ARX: variants seen among roughly 807,000 people sequenced by gnomAD.
ARX encodes the protein homeobox protein ARX.
A neutral mutation model predicts 23.1 loss-of-function variants in ARX; 1 was observed. The observed-to-expected ratio is 0.04, with a 90% CI of 0.02 to 0.21. The LOEUF (loss-of-function observed/expected upper bound fraction) is 0.21. ARX is among the 10% of genes least tolerant of loss of function. ARX has a pLI of 1.00. For synonymous variants in ARX, 301 were observed against 270.1 expected (o/e 1.11, Z -1.12); for missense variants, 380 against 527.5 (o/e 0.72, Z 2.74).
rs398124508 is a variant in ARX at position 25,007,238 on chromosome X, AGGCGGCGGCGGC to A, written c.1309_1320del (p.Ala437_Ala440del). 1.8e-6 allele frequency: 2 copies of A among 1,126,822 alleles called. No individual in the cohort carries two copies. The highest frequency in any genetic ancestry group is 2.1e-5 in the South Asian group (1 of 47,607). The allele number at this position is 1,126,822 out of a possible 1,213,427, so 92.9% of individuals were successfully genotyped here. Reference sequence around the variant, plus strand: ...CCCGGAGGCGGAGGTAGGCTCGGGAAGGCGGCGGCGGCGGCGGCGGCAGCGGCAGTCCAAGCG... The same window carrying A: ...CCCGGAGGCGGAGGTAGGCTCGGGAAGGCGGCGGCAGCGGCAGTCCAAGCG... On this transcript the variant is annotated inframe_deletion, in exon 4 of 5. Transcript: ENST00000379044.
At chrX:25,006,924 A>T (rs1488418347) in intron 4 of ARX, among the ~76,000 whole-genome samples, 187 bp downstream of exon 4, 1 of 106,857 alleles carries the variant, frequency 9.4e-6, no homozygotes, top group East Asian at 3.0e-4. Flanking sequence ...CCAAGTCAAT[A>T]CCTTCAAGAC....
At chrX:25,011,042 C>T (rs1458854056) in intron 2 of ARX, among the ~76,000 whole-genome samples, 1 of 112,258 alleles carries the variant, frequency 8.9e-6, no homozygotes, top group Non-Finnish European at 1.9e-5. Context: ...GTTATTACTG[C>T]GACAATTAAG....
At chrX:25,011,628 G>C (rs2048703040) in intron 2 of ARX, among the ~76,000 whole-genome samples, 1 of 113,353 alleles carries the variant, frequency 8.8e-6, no homozygotes, top group Non-Finnish European at 1.9e-5. Context: ...GGAAGACCAA[G>C]TGTAGCCCAA....
At chrX:25,014,726 C>T (rs899766175) in intron 1 of ARX, among the ~76,000 whole-genome samples, 29 of 112,312 alleles carry the variant, frequency 2.6e-4, no homozygotes, top group African/African-American at 9.4e-4. Context: ...CCTTCTCAAC[C>T]GTCTGCTCCT....
chrX:25,013,619 G>A lies in ARX; in HGVS notation c.376C>T (p.Pro126Ser), dbSNP rs1281671382. Reference sequence around the variant, plus strand: ...CGCGCGGTTGGCGGTGGCGGCGGAGGGGCCTCCCCGCGTGGACCCGCCGTG... The same window carrying A: ...CGCGCGGTTGGCGGTGGCGGCGGAGAGGCCTCCCCGCGTGGACCCGCCGTG... ...TATAGPRGEA[P>S]PPPPPTARPG... Residue 126 changes from proline (P) to serine (S), a missense_variant, in exon 2 of 5, where the codon CCT (proline) becomes TCT (serine). By Grantham distance (74) the Pro-to-Ser change is moderately conservative. Around this residue, in one of 3 missense-constraint regions of ARX, gnomAD observed 235 missense variants for 270.2 expected, o/e 0.87. Coordinates refer to ENST00000379044, the MANE Select transcript of ARX (RefSeq NM_139058.3). 2 of 750,135 alleles carry A rather than the reference G, an allele frequency of 2.7e-6. No homozygotes were observed. The highest frequency in any genetic ancestry group is 1.6e-4 in the East Asian group (1 of 6,404). The allele number at this position is 750,135 out of a possible 1,213,427, so 61.8% of individuals were successfully genotyped here. A position where few individuals can be genotyped will look rare whatever the true frequency, so the allele number is the denominator to read the frequency against.
Position 25,004,727 on chromosome X carries a change from C to T in ARX, c.1632G>A (p.Ala544=). The change falls in exon 5 of 5, where the codon GCG becomes GCA. Residue 544 remains alanine, a synonymous_variant. Transcript: ENST00000379044. ...GCAGGATGTTGAGCTGCGTGAGCTG[C>T]GCCGCGTGCTCCTTGGCCTTGAGCC... ...ALRLKAKEHA[A]QLTQLNILPG... is the part of the protein sequence containing the mutation. 1 of 1,165,477 alleles carries T rather than the reference C, an allele frequency of 8.6e-7. No individual in the cohort carries two copies. Among genetic ancestry groups the T allele is most frequent in the Non-Finnish European group, 1.1e-6 (1 of 872,668 alleles).
At chrX:25,009,220 C>T (rs2048691727) in intron 3 of ARX, among the ~76,000 whole-genome samples, 1 of 111,762 alleles carries the variant, frequency 8.9e-6, no homozygotes, top group South Asian at 3.8e-4. Context: ...TCTGAGGCCC[C>T]CCAAAGGTAA....
intron 3 of ARX, 88 bp from the exon 4 acceptor site, chrX:25,007,527 G>A: frequency 9.5e-7 from 1 of 1,056,064 alleles, no homozygotes; most frequent in Admixed American, 3.3e-5. Flanking sequence ...GGCGCGCTGC[G>A]GGGCCCCCTT....
chrX:25,009,268 A>G (rs892332179), intron 3 of ARX, among the ~76,000 whole-genome samples: 1 of 111,616 alleles, frequency 9.0e-6, no homozygotes, highest in South Asian at 3.8e-4. Flanking sequence ...ACTTAATTAC[A>G]TCTTCTCCAG....
chrX:25,004,896 A>G lies in ARX; in HGVS notation c.1463T>C (p.Met488Thr), dbSNP rs759074085. Residue 488 changes from methionine (M) to threonine (T), a missense_variant, in exon 5 of 5, where the codon ATG becomes ACG. By Grantham distance (81) the Met-to-Thr change is moderately conservative (BLOSUM62 -1). This residue lies in a region of ARX where 121 missense variants were observed against 169.7 expected (regional missense o/e 0.71). Transcript: ENST00000379044. Reference protein sequence around the residue: ...SPAFGRLFSTMAPLTSASTAA... With the variant: ...SPAFGRLFSTTAPLTSASTAA... ...GGTCGACGCGCTGGTCAGGGGGGCC[A>G]TTGTGGAAAAGAGCCTGCAGGGAGA... 2.4e-5 allele frequency: 27 copies of G among 1,137,383 alleles called. No individual in the cohort carries two copies. The highest frequency in any genetic ancestry group is 2.9e-5 in the Non-Finnish European group (25 of 861,648). 93.7% of individuals were successfully genotyped at this position (1,137,383 alleles called of 1,213,427 possible). A position where few individuals can be genotyped will look rare whatever the true frequency, so the allele number is the denominator to read the frequency against.
In ARX at chrX:25,015,707, A is replaced by G. The variant is rs746818928; in HGVS notation, c.31T>C (p.Ser11Pro). Reference protein sequence around the residue: MSNQYQEEGCSERPECKSKSP... With the variant: MSNQYQEEGCPERPECKSKSP... ...TTACTTTTGCACTCGGGCCTCTCGG[A>G]GCAGCCCTCCTCCTGGTACTGATTG... Residue 11 changes from serine to proline, a missense_variant, in exon 1 of 5, where the codon TCC (serine) becomes CCC (proline). By Grantham distance (74) the Ser-to-Pro change is moderately conservative. Coordinates refer to ENST00000379044, the MANE Select transcript of ARX (RefSeq NM_139058.3). 8.3e-7 allele frequency: 1 copy of G among 1,202,695 alleles called. No homozygotes were observed. The highest frequency in any genetic ancestry group is 1.1e-6 in the Non-Finnish European group (1 of 889,997).
intron 1 of ARX, among the ~76,000 whole-genome samples, chrX:25,014,636 C>T (rs1338462900): frequency 1.8e-5 from 2 of 113,143 alleles, no homozygotes; most frequent in Non-Finnish European, 3.7e-5. Context: ...GCCGCTCCTT[C>T]CTTTTGAGGA....
intron 4 of ARX, among the ~76,000 whole-genome samples, chrX:25,005,261 C>T (rs2048672825): frequency 2.7e-5 from 3 of 111,359 alleles, no homozygotes; most frequent in African/African-American, 9.8e-5. Context: ...AGGCCAGGGG[C>T]TGCAATGACA....
chrX:25,004,580 G>A lies in ARX; in HGVS notation c.*90C>T. ...TCTCTCAGTGCCGTCTCGGGAGTGT[G>A]CTGGTCCTCTGTTTCCATTTGGTCT... On this transcript the variant is annotated 3_prime_UTR_variant, in exon 5 of 5. Transcript: ENST00000379044. 1 of 1,143,921 alleles carries A rather than the reference G, an allele frequency of 8.7e-7. No individual in the cohort carries two copies. The highest frequency in any genetic ancestry group is 1.2e-6 in the Non-Finnish European group (1 of 860,418). 94.3% of individuals were successfully genotyped at this position (1,143,921 alleles called of 1,213,427 possible). A position where few individuals can be genotyped will look rare whatever the true frequency, so the allele number is the denominator to read the frequency against.
At chrX:25,005,011 G>T (rs982860707) in intron 4 of ARX, 101 bp from the exon 5 acceptor site, 2 of 1,011,337 alleles carry the variant, frequency 2.0e-6, no homozygotes, top group South Asian at 6.0e-5. Context: ...TGAGGGGCGC[G>T]GTACCCACGG....
rs781097062 is a variant in ARX, at chrX:25,007,065, G to A, written c.1448+46C>T. The A allele has an allele frequency of 4.3e-6, 5 of 1,157,244 alleles. No individual in the cohort carries two copies. In the East Asian group the frequency reaches 1.6e-4, roughly 37 times the overall value. On this transcript the variant is annotated intron_variant, in intron 4 of 4. Transcript: ENST00000379044. ...TCCTCCCTGCCCCCAGCCTCTGTGT[G>A]TATGAGAGACAGACAGACAGACAGA...
intron 2 of ARX, 145 bp from the exon 3 acceptor site, chrX:25,010,450 T>G: frequency 3.0e-6 from 2 of 658,465 alleles, no homozygotes; most frequent in East Asian, 3.6e-5. Flanking sequence ...GGCATTACCA[T>G]TCCATCACCC....
chrX:25,005,073 G>A (rs2048672002), intron 4 of ARX, among the ~76,000 whole-genome samples, 163 bp from the exon 5 acceptor site: 1 of 112,392 alleles, frequency 8.9e-6, no homozygotes, highest in Admixed American at 9.3e-5. Context: ...GGCGGAAGCT[G>A]GACCCCGCAG....
intron 3 of ARX, among the ~76,000 whole-genome samples, chrX:25,008,394 G>A (rs989091826): frequency 1.1e-4 from 12 of 112,651 alleles, no homozygotes; most frequent in African/African-American, 3.5e-4. Flanking sequence ...GTTTTAAATC[G>A]GCTATTTAAA....
Sources: allele counts gnomAD v4.1 joint callset (sites outside exome capture counted in the v4.1 genomes callset), GRCh38; gene constraint gnomAD v4.1.1; regional missense constraint gnomAD v4.1.1; transcripts MANE v1.5; gene names NCBI Gene and HGNC (gene_info 2026-07-23, HGNC 2026-07-21).